Variants in PDE4D observed in about 807,000 individuals in gnomAD.
PDE4D encodes the protein phosphodiesterase 4D, also known as 3',5'-cyclic-AMP phosphodiesterase 4D.
In PDE4D, 24 loss-of-function variants were observed where a neutral mutation model predicts 87.4. The observed-to-expected ratio is 0.27, with a 90% CI of 0.20 to 0.39. The LOEUF is 0.39. Ranked by LOEUF, PDE4D falls within the 10% of genes least tolerant of loss-of-function variation. The pLI is 1.00. For missense variants in PDE4D, 714 were observed against 1,041.0 expected, an observed-to-expected ratio of 0.69 and a Z score of 4.32; for synonymous variants, 384 against 383.2, an observed-to-expected ratio of 1.00 and a Z score of -0.02.
intron 1 of PDE4D, among the ~76,000 whole-genome samples, chr5:59,388,626 T>TACAC (rs71604788): frequency 0.22 from 33,310 of 148,204 alleles, 4,157 homozygotes; most frequent in African/African-American, 0.34. Context: ...GAAAATGTGG[T>TACAC]ACACACACAC....
intron 3 of PDE4D, among the ~76,000 whole-genome samples, chr5:59,909,456 C>A (rs116332470): frequency 6.6e-6 from 1 of 151,802 alleles, no homozygotes; most frequent in Admixed American, 6.6e-5. Context: ...AGTGCCCTGG[C>A]GCAATCATGG....
chr5:59,175,471 C>CTTTTTTTTTTTTTTTTTTTTTTTTTT (rs563138575), intron 5 of PDE4D, among the ~76,000 whole-genome samples: 1 of 91,208 alleles, frequency 1.1e-5, no homozygotes, highest in Non-Finnish European at 2.1e-5. Flanking sequence ...ATTTTTCTTT[C>CTTTTTTTTTTTTTTTTTTTTTTTTTT]TTTTTTTTTT....
intron 2 of PDE4D, among the ~76,000 whole-genome samples, chr5:60,140,256 T>C (rs897582949): frequency 1.3e-5 from 2 of 152,082 alleles, no homozygotes; most frequent in African/African-American, 4.8e-5. Flanking sequence ...AAGTATTCCA[T>C]GGTCAAATAA....
intron 1 of PDE4D, among the ~76,000 whole-genome samples, chr5:60,222,205 C>CA (rs1455071579): frequency 6.6e-6 from 1 of 152,088 alleles, no homozygotes; most frequent in East Asian, 1.9e-4. Context: ...GGAGGACACT[C>CA]ACGCAGCAGT....
intron 1 of PDE4D, among the ~76,000 whole-genome samples, chr5:60,292,534 G>T (rs1047500776): frequency 6.6e-6 from 1 of 152,188 alleles, no homozygotes; most frequent in Non-Finnish European, 1.5e-5. Flanking sequence ...TCTTGCCAAA[G>T]ATCCTACAGT....
intron 1 of PDE4D, among the ~76,000 whole-genome samples, chr5:59,511,468 A>T (rs1398155878): frequency 6.6e-6 from 1 of 151,994 alleles, no homozygotes; most frequent in Admixed American, 6.6e-5. Context: ...TGGCTTAAGT[A>T]ATTTTCAAAG....
At position 59,125,315 on chromosome 5, in the gene PDE4D, G is replaced by A. The variant is rs182179127; in HGVS notation, c.808+55280C>T. 12 of 976,886 alleles carry A rather than the reference G, an allele frequency of 1.2e-5. No homozygotes were observed. In the East Asian group the frequency reaches 9.1e-4, roughly 74 times the overall value. 60.5% of individuals were successfully genotyped at this position (976,886 alleles called of 1,614,324 possible). On this transcript the variant is annotated intron_variant, in intron 5 of 14. Coordinates refer to ENST00000340635, the MANE Select transcript of PDE4D (RefSeq NM_001104631.2). ...CCAGGTCCATGGTAATTTGGTCCAC[G>A]AAAGAAATTAACACACCTGAAAAGG...
intron 2 of PDE4D, among the ~76,000 whole-genome samples, chr5:60,106,843 G>T (rs1404740751): frequency 6.6e-6 from 1 of 151,370 alleles, no homozygotes; most frequent in African/African-American, 2.4e-5. Flanking sequence ...AGAATCTCTG[G>T]GACACATTCA....
chr5:59,882,400 CTTT>C (rs1749555330), intron 1 of PDE4D, among the ~76,000 whole-genome samples: 1 of 152,038 alleles, frequency 6.6e-6, no homozygotes, highest in Non-Finnish European at 1.5e-5. Flanking sequence ...CAAACTTTTA[CTTT>C]ATGTTTTAAT....
chr5:59,997,910 G>C (rs1763659070), intron 2 of PDE4D, among the ~76,000 whole-genome samples: 1 of 152,176 alleles, frequency 6.6e-6, no homozygotes, highest in African/African-American at 2.4e-5. Flanking sequence ...AAACAGGTTA[G>C]TTTGTCCATA....
intron 1 of PDE4D, among the ~76,000 whole-genome samples, chr5:60,505,346 AT>A (rs1276515383): frequency 6.6e-6 from 1 of 152,132 alleles, no homozygotes; most frequent in African/African-American, 2.4e-5. Flanking sequence ...TTTTCACCAT[AT>A]CTCTTTGAGT....
At chr5:59,663,238 C>T (rs1745538686) in intron 1 of PDE4D, among the ~76,000 whole-genome samples, 2 of 152,112 alleles carry the variant, frequency 1.3e-5, no homozygotes, top group South Asian at 4.1e-4. Flanking sequence ...GATCTTGCCT[C>T]ACTGCGACCT....
intron 1 of PDE4D, among the ~76,000 whole-genome samples, chr5:59,362,445 A>G (rs1359097094): frequency 6.6e-6 from 1 of 152,190 alleles, no homozygotes; most frequent in East Asian, 1.9e-4. Context: ...GGTTAATCAT[A>G]TGAAGAAATG....
chr5:59,877,479 T>TAAAAAAAAAAAAAAA (rs70975344), intron 1 of PDE4D, among the ~76,000 whole-genome samples: 1 of 102,390 alleles, frequency 9.8e-6, no homozygotes, highest in Admixed American at 1.1e-4. Flanking sequence ...TGCCAGAACC[T>TAAAAAAAAAAAAAAA]AAAAAAAAAA....
intron 2 of PDE4D, among the ~76,000 whole-genome samples, chr5:60,055,609 CAT>C (rs1295170789): frequency 1.1e-4 from 16 of 152,092 alleles, no homozygotes; most frequent in African/African-American, 3.4e-4. Context: ...GATAGCAACA[CAT>C]GTGCTTTGTA....
rs188363612 is a variant in PDE4D, at chr5:59,288,029, A to G, written c.456-72061T>C. Among the ~76,000 whole-genome samples, 386 of 152,190 alleles carry G rather than the reference A, an allele frequency of 2.5e-3. 4 individuals carry two copies. Among genetic ancestry groups the G allele is most frequent in the African/African-American group, 8.9e-3 (371 of 41,546 alleles). On this transcript the variant is annotated intron_variant, in intron 1 of 14. Coordinates refer to ENST00000340635, the MANE Select transcript of PDE4D (RefSeq NM_001104631.2). ...AACAAGCCCAGACTGCAAGGCTACA[A>G]TAAATACCCAACTCTTCAATGCCCA...
At chr5:59,835,785 G>C (rs1314850595) in intron 1 of PDE4D, among the ~76,000 whole-genome samples, 1 of 152,010 alleles carries the variant, frequency 6.6e-6, no homozygotes, top group African/African-American at 2.4e-5. Flanking sequence ...TCAAGGTTAG[G>C]TAGGAGCTTC....
At chr5:59,685,678 A>G (rs555536751) in intron 1 of PDE4D, among the ~76,000 whole-genome samples, 1 of 152,302 alleles carries the variant, frequency 6.6e-6, no homozygotes, top group African/African-American at 2.4e-5. Flanking sequence ...AAGAAATTAA[A>G]TCTTCAATTA....
intron 1 of PDE4D, among the ~76,000 whole-genome samples, chr5:59,345,937 T>C (rs1004300937): frequency 2.0e-5 from 3 of 152,186 alleles, no homozygotes; most frequent in African/African-American, 7.2e-5. Context: ...TCATAATGGC[T>C]CTAATTCATA....
Sources: allele counts gnomAD v4.1 joint callset (sites outside exome capture counted in the v4.1 genomes callset), GRCh38; gene constraint gnomAD v4.1.1; transcripts MANE v1.5; gene names NCBI Gene and HGNC (gene_info 2026-07-23, HGNC 2026-07-21).